Variants in FHIT observed in about 807,000 individuals in gnomAD.
FHIT encodes the protein bis(5'-adenosyl)-triphosphatase.
Under a neutral mutation model 17.9 loss-of-function variants are expected in FHIT, and 19 were observed. The observed-to-expected ratio is 1.06, with a 90% CI of 0.74 to 1.56. FHIT has a LOEUF of 1.56. Among genes scored for constraint, FHIT ranks in the 40% most tolerant of loss-of-function variants. The pLI is 0.00. For missense variants in FHIT, 248 were observed against 189.2 expected, an observed-to-expected ratio of 1.31 and a Z score of -1.82; for synonymous variants, 81 against 69.7, an observed-to-expected ratio of 1.16 and a Z score of -0.81.
At chr3:60,916,902 G>C (rs574472058) in intron 3 of FHIT, among the ~76,000 whole-genome samples, 1 of 152,054 alleles carries the variant, frequency 6.6e-6, no homozygotes, top group East Asian at 1.9e-4. Flanking sequence ...AATTAGAATC[G>C]CATAAAAAAA....
chr3:60,161,424 C>T (rs939520080), intron 5 of FHIT, among the ~76,000 whole-genome samples: 2 of 152,070 alleles, frequency 1.3e-5, no homozygotes, highest in South Asian at 2.1e-4. Flanking sequence ...TAGGAATCTC[C>T]GGGTATTTCA....
At chr3:60,212,858 C>G (rs1353825709) in intron 5 of FHIT, among the ~76,000 whole-genome samples, 1 of 152,140 alleles carries the variant, frequency 6.6e-6, no homozygotes, top group African/African-American at 2.4e-5. Flanking sequence ...TAATGATTTT[C>G]TAAGAAACCA....
chr3:60,991,931 G>A (rs1015636879), intron 3 of FHIT, among the ~76,000 whole-genome samples: 1 of 152,132 alleles, frequency 6.6e-6, no homozygotes, highest in African/African-American at 2.4e-5. Flanking sequence ...CATCAGCATA[G>A]AGCATCTCTG....
chr3:60,799,245 G>A (rs887101785), intron 4 of FHIT, among the ~76,000 whole-genome samples: 34 of 152,236 alleles, frequency 2.2e-4, no homozygotes, highest in African/African-American at 7.9e-4. Flanking sequence ...CGCAATCTCG[G>A]CTCACTGCAA....
chr3:60,660,212 C>G (rs1457488281), intron 4 of FHIT, among the ~76,000 whole-genome samples: 1 of 152,150 alleles, frequency 6.6e-6, no homozygotes, highest in African/African-American at 2.4e-5. Context: ...GAAAGAAGGG[C>G]TTGCAACAAT....
intron 8 of FHIT, among the ~76,000 whole-genome samples, chr3:59,799,308 T>C (rs1699902146): frequency 6.6e-6 from 1 of 152,164 alleles, no homozygotes; most frequent in Non-Finnish European, 1.5e-5. Context: ...CTAAGCAAGA[T>C]GTGGTGCCTG....
chr3:61,205,826 G>C (rs1393780316), intron 1 of FHIT, among the ~76,000 whole-genome samples: 1 of 151,340 alleles, frequency 6.6e-6, no homozygotes, highest in Admixed American at 6.6e-5. Context: ...AGTTTAATTA[G>C]ATCCCATTTG....
intron 5 of FHIT, among the ~76,000 whole-genome samples, chr3:60,297,221 A>G (rs1708253049): frequency 6.6e-6 from 1 of 152,020 alleles, no homozygotes; most frequent in African/African-American, 2.4e-5. Context: ...AAAACTCTGT[A>G]TCAACTTGGG....
At chr3:60,213,827 G>A (rs1703569441) in intron 5 of FHIT, among the ~76,000 whole-genome samples, 1 of 152,172 alleles carries the variant, frequency 6.6e-6, no homozygotes, top group African/African-American at 2.4e-5. Flanking sequence ...AGTATCAGGA[G>A]CATAAGAGGA....
Position 60,394,256 on chromosome 3 carries a change from A to T in FHIT, c.103+142604T>A, listed in dbSNP as rs536557664. Among the ~76,000 whole-genome samples the T allele has an allele frequency of 1.2e-4, 18 of 152,274 alleles. No homozygotes were observed. The East Asian group carries it at 3.5e-3, about 29-fold the overall frequency. ...GGCTAATCCAAGGAGTTTCTGAGAC[A>T]TTCTCTAAATTACAGTTCTTAACTT... On this transcript the variant is annotated intron_variant, in intron 5 of 9. Coordinates refer to ENST00000492590, the MANE Select transcript of FHIT (RefSeq NM_002012.4).
intron 5 of FHIT, among the ~76,000 whole-genome samples, chr3:60,227,777 A>C (rs893452786): frequency 6.6e-6 from 1 of 152,182 alleles, no homozygotes; most frequent in African/African-American, 2.4e-5. Flanking sequence ...TGTAGAATGA[A>C]AGTGACTGAT....
chr3:61,023,200 T>C (rs955151193), intron 3 of FHIT, among the ~76,000 whole-genome samples: 3 of 151,966 alleles, frequency 2.0e-5, no homozygotes, highest in Non-Finnish European at 4.4e-5. Flanking sequence ...ACACCAATAA[T>C]AGACAAACAG....
At chr3:60,634,244 T>C (rs2039521348) in intron 4 of FHIT, among the ~76,000 whole-genome samples, 1 of 152,036 alleles carries the variant, frequency 6.6e-6, no homozygotes, top group Non-Finnish European at 1.5e-5. Context: ...TTTGCTATCC[T>C]GAACTTAAAC....
intron 5 of FHIT, among the ~76,000 whole-genome samples, chr3:60,221,972 G>C (rs1012458131): frequency 6.6e-6 from 1 of 151,806 alleles, no homozygotes; most frequent in Non-Finnish European, 1.5e-5. Context: ...ACAGAAATTC[G>C]CATTCCATTA....
At chr3:61,008,953 C>T (rs1003905544) in intron 3 of FHIT, among the ~76,000 whole-genome samples, 5 of 152,082 alleles carry the variant, frequency 3.3e-5, no homozygotes, top group Admixed American at 6.6e-5. Flanking sequence ...TAAATTAATT[C>T]CACAAACTGA....
At chr3:60,806,244 C>G (rs1284512894) in intron 4 of FHIT, among the ~76,000 whole-genome samples, 1 of 152,142 alleles carries the variant, frequency 6.6e-6, no homozygotes, top group African/African-American at 2.4e-5. Context: ...CATCAGCACC[C>G]CAGGCAGCAG....
At chr3:61,171,589 A>G (rs1483929742) in intron 2 of FHIT, among the ~76,000 whole-genome samples, 1 of 152,220 alleles carries the variant, frequency 6.6e-6, no homozygotes, top group Non-Finnish European at 1.5e-5. Flanking sequence ...CAACTTTCAT[A>G]TAAGCAAAAG....
intron 5 of FHIT, among the ~76,000 whole-genome samples, chr3:60,179,750 C>CAA (rs1559703834): frequency 2.6e-5 from 4 of 152,106 alleles, no homozygotes; most frequent in Non-Finnish European, 4.4e-5. Context: ...GCATCTGGCC[C>CAA]CAGCTAGAAC....
intron 5 of FHIT, among the ~76,000 whole-genome samples, chr3:60,274,108 T>C (rs1198068519): frequency 6.6e-6 from 1 of 152,202 alleles, no homozygotes; most frequent in African/African-American, 2.4e-5. Flanking sequence ...TGCCTCATTA[T>C]CATCTCTGCC....
Sources: allele counts gnomAD v4.1 joint callset (sites outside exome capture counted in the v4.1 genomes callset), GRCh38; gene constraint gnomAD v4.1.1; transcripts MANE v1.5; gene names NCBI Gene and HGNC (gene_info 2026-07-23, HGNC 2026-07-21).